PEBP4: variants seen among roughly 807,000 people sequenced by gnomAD.
The protein encoded by PEBP4 is phosphatidylethanolamine-binding protein 4.
Under a neutral mutation model 23.9 loss-of-function variants are expected in PEBP4, and 22 were observed. The ratio of observed to expected loss-of-function variants is 0.92; its 90% CI spans 0.66 to 1.31. PEBP4 has a LOEUF of 1.31. Ranked by LOEUF, PEBP4 falls within the 40% of genes most tolerant of loss-of-function variation. The pLI is 0.00. For missense variants in PEBP4, 324 were observed against 281.7 expected (o/e 1.15, Z -1.07); for synonymous variants, 112 against 99.3 (o/e 1.13, Z -0.76).
At chr8:22,905,096 T>C (rs1269679269) in intron 3 of PEBP4, among the ~76,000 whole-genome samples, 4 of 152,248 alleles carry the variant, frequency 2.6e-5, no homozygotes, top group Non-Finnish European at 5.9e-5. Context: ...TGAAGCAATT[T>C]GTACTTTTGC....
At chr8:22,744,339 T>A (rs1470592191) in intron 4 of PEBP4, among the ~76,000 whole-genome samples, 1 of 152,168 alleles carries the variant, frequency 6.6e-6, no homozygotes, top group Non-Finnish European at 1.5e-5. Context: ...TCTCCTGAGT[T>A]CTAGAACTGC....
intron 1 of PEBP4, among the ~76,000 whole-genome samples, chr8:22,939,203 G>A (rs1809578347): frequency 6.6e-6 from 1 of 152,164 alleles, no homozygotes; most frequent in Non-Finnish European, 1.5e-5. Context: ...AGAGAATGGA[G>A]TGAAATATTT....
intron 3 of PEBP4, among the ~76,000 whole-genome samples, chr8:22,909,210 C>A (rs1359378374): frequency 6.6e-6 from 1 of 152,134 alleles, no homozygotes; most frequent in South Asian, 2.1e-4. Context: ...AGATAGAGGG[C>A]GATCTCCGCC....
At chr8:22,807,967 G>A (rs144152032) in intron 4 of PEBP4, among the ~76,000 whole-genome samples, 3 of 145,434 alleles carry the variant, frequency 2.1e-5, no homozygotes, top group African/African-American at 2.6e-5. Flanking sequence ...TCATCCATCC[G>A]TCTATCCACT....
chr8:22,714,544 G>T (rs991152865), intron 6 of PEBP4, among the ~76,000 whole-genome samples: 1 of 151,688 alleles, frequency 6.6e-6, no homozygotes, highest in Non-Finnish European at 1.5e-5. Flanking sequence ...TTTTGTTGTT[G>T]TTGTTGTTTT....
intron 4 of PEBP4, among the ~76,000 whole-genome samples, chr8:22,780,265 C>A (rs527663209): frequency 2.5e-4 from 38 of 152,260 alleles, no homozygotes; most frequent in African/African-American, 8.9e-4. Flanking sequence ...TCGTGCCTGG[C>A]CCTTTTTAAA....
At chr8:22,751,606 GTGTC>G (rs1186853747) in intron 4 of PEBP4, among the ~76,000 whole-genome samples, 2 of 132,514 alleles carry the variant, frequency 1.5e-5, no homozygotes, top group Admixed American at 8.4e-5. Flanking sequence ...GTGTGTGTGT[GTGTC>G]TGTGTGTGTG....
At chr8:22,715,313 C>T (rs1804391938) in intron 6 of PEBP4, among the ~76,000 whole-genome samples, 1 of 152,238 alleles carries the variant, frequency 6.6e-6, no homozygotes, top group African/African-American at 2.4e-5. Context: ...AGGGGCTGTG[C>T]CTGAGCCTCT....
At chr8:22,933,197 T>G (rs1353768028) in intron 1 of PEBP4, among the ~76,000 whole-genome samples, 2 of 152,040 alleles carry the variant, frequency 1.3e-5, no homozygotes, top group Non-Finnish European at 2.9e-5. Flanking sequence ...AGTCTCTGCT[T>G]TGCCTAAGGG....
chr8:22,914,578 T>A (rs952227025), intron 3 of PEBP4, among the ~76,000 whole-genome samples: 1 of 152,212 alleles, frequency 6.6e-6, no homozygotes, highest in African/African-American at 2.4e-5. Flanking sequence ...GCGTTTCCTG[T>A]GGCCTCACCC....
At chr8:22,726,144 C>A (rs979721944) in intron 5 of PEBP4, among the ~76,000 whole-genome samples, 6 of 152,034 alleles carry the variant, frequency 3.9e-5, no homozygotes, top group Non-Finnish European at 7.4e-5. Context: ...AGTGTGCAAA[C>A]GCCCCGATGC....
chr8:22,794,974 G>A (rs1806212167), intron 4 of PEBP4, among the ~76,000 whole-genome samples: 1 of 151,234 alleles, frequency 6.6e-6, no homozygotes, highest in South Asian at 2.1e-4. Context: ...AACCATTTAT[G>A]GAATAATCAG....
At chr8:22,878,426 C>T (rs377145672) in intron 3 of PEBP4, among the ~76,000 whole-genome samples, 2 of 152,156 alleles carry the variant, frequency 1.3e-5, no homozygotes, top group Non-Finnish European at 2.9e-5. Context: ...TGGCAGGACC[C>T]GGCCGTGTGG....
intron 4 of PEBP4, among the ~76,000 whole-genome samples, chr8:22,741,250 T>C (rs753445781): frequency 1.8e-4 from 27 of 152,150 alleles, no homozygotes; most frequent in Non-Finnish European, 3.1e-4. Flanking sequence ...CTCACGTGCC[T>C]TGGTCATGCC....
In PEBP4 at chr8:22,881,505, C is replaced by T. The variant is rs569769088; in HGVS notation, c.258+38679G>A. On this transcript the variant is annotated intron_variant, in intron 3 of 6. Coordinates refer to ENST00000256404, the MANE Select transcript of PEBP4 (RefSeq NM_144962.3). Reference sequence around the variant, plus strand: ...AGTGCAGGACTGGGACCATCTCACTCGCAGTTGTATGTCCCCAGTGCCTAG... The same window carrying T: ...AGTGCAGGACTGGGACCATCTCACTTGCAGTTGTATGTCCCCAGTGCCTAG... Among the ~76,000 whole-genome samples the T allele has an allele frequency of 3.9e-5, 6 of 152,306 alleles. No homozygotes were observed. In the South Asian group the frequency reaches 1.2e-3, roughly 32 times the overall value.
chr8:22,737,338 T>G (rs912884894), intron 4 of PEBP4, among the ~76,000 whole-genome samples: 1 of 150,882 alleles, frequency 6.6e-6, no homozygotes, highest in Non-Finnish European at 1.5e-5. Flanking sequence ...AATGAGCCAT[T>G]CAGGCTTCCA....
intron 6 of PEBP4, among the ~76,000 whole-genome samples, chr8:22,714,329 C>T (rs953566985): frequency 3.3e-5 from 5 of 152,128 alleles, no homozygotes; most frequent in African/African-American, 4.8e-5. Flanking sequence ...CATATTCCCA[C>T]GTTCTTGTTT....
At chr8:22,902,625 C>T (rs1808734577) in intron 3 of PEBP4, among the ~76,000 whole-genome samples, 1 of 152,186 alleles carries the variant, frequency 6.6e-6, no homozygotes, top group South Asian at 2.1e-4. Flanking sequence ...TGTCATCAGC[C>T]CTGGACCCGA....
At position 22,717,313 on chromosome 8, in the gene PEBP4, G is replaced by A. The variant is rs115871705; in HGVS notation, c.518-3777C>T. 6.4e-3 allele frequency among the ~76,000 whole-genome samples: 977 copies of A among 152,256 alleles called. 6 individuals are homozygous for A. The highest frequency in any genetic ancestry group is 0.022 in the African/African-American group (909 of 41,542). On this transcript the variant is annotated intron_variant, in intron 6 of 6. Coordinates refer to ENST00000256404, the MANE Select transcript of PEBP4 (RefSeq NM_144962.3). ...GGGCCTCCCAAAGTGCTGGGATTAC[G>A]GGTGTGAGTCACTGCACCTAGACAG...
Sources: allele counts gnomAD v4.1 joint callset (sites outside exome capture counted in the v4.1 genomes callset), GRCh38; gene constraint gnomAD v4.1.1; transcripts MANE v1.5; gene names NCBI Gene and HGNC (gene_info 2026-07-23, HGNC 2026-07-21).